HPSE2: variants seen among roughly 807,000 people sequenced by gnomAD.
HPSE2 encodes heparanase 2 (inactive).
In HPSE2, 38 loss-of-function variants were observed where a neutral mutation model predicts 60.5. The observed-to-expected ratio is 0.63, with a 90% confidence interval of 0.48 to 0.82. The LOEUF (loss-of-function observed/expected upper bound fraction) is 0.82, where lower values mean the gene tolerates loss of function less well. HPSE2 is among the 40% of genes least tolerant of loss of function. The probability of loss-of-function intolerance (pLI) is 0.00; values close to 1 mark genes in which losing one functional copy is unlikely to be tolerated. For synonymous variants in HPSE2, 295 were observed against 293.2 expected (o/e 1.01, Z -0.06); for missense variants, 713 against 740.4 (o/e 0.96, Z 0.43).
At chr10:98,516,707 ATTGCCCCCAT>A (rs1564933351) in intron 9 of HPSE2, among the ~76,000 whole-genome samples, 3 of 152,146 alleles carry the variant, frequency 2.0e-5, no homozygotes, top group Non-Finnish European at 4.4e-5. Flanking sequence ...TCTCACCTGA[ATTGCCCCCAT>A]GCTGCCCTGT....
chr10:98,496,097 A>T (rs1941829009), intron 9 of HPSE2, among the ~76,000 whole-genome samples: 1 of 151,770 alleles, frequency 6.6e-6, no homozygotes, highest in Admixed American at 6.6e-5. Flanking sequence ...GTGTTTAATT[A>T]TTGTAGGCTG....
chr10:98,710,658 T>G (rs1420589732), intron 5 of HPSE2, among the ~76,000 whole-genome samples: 1 of 152,170 alleles, frequency 6.6e-6, no homozygotes, highest in African/African-American at 2.4e-5. Context: ...TCTGTAAGGT[T>G]GGTATTATTA....
chr10:99,274,208 G>A, the HPSE2 span, among the ~76,000 whole-genome samples: 265 of 148,870 alleles, frequency 1.8e-3, 1 homozygote, highest in Middle Eastern at 6.8e-3. Flanking sequence ...TTAGCCAGGC[G>A]TGGTGGCCTG....
chr10:98,939,557 T>C (rs61883731), intron 3 of HPSE2, among the ~76,000 whole-genome samples: 1 of 143,494 alleles, frequency 7.0e-6, no homozygotes, highest in East Asian at 2.0e-4. Flanking sequence ...ATGCACCCAA[T>C]ACAGGAGCAC....
chr10:99,180,889 C>CA (rs68033581), intron 2 of HPSE2, among the ~76,000 whole-genome samples: 395 of 29,702 alleles, frequency 0.013, 95 homozygotes, highest in African/African-American at 0.041. Context: ...GACTCCATCT[C>CA]AAAAAAAAAA....
chr10:99,014,918 C>T (rs1589519811), intron 3 of HPSE2, among the ~76,000 whole-genome samples: 1 of 152,252 alleles, frequency 6.6e-6, no homozygotes, highest in South Asian at 2.1e-4. Flanking sequence ...TTGCAATCTA[C>T]TCATCTGACA....
intron 3 of HPSE2, among the ~76,000 whole-genome samples, chr10:99,066,550 T>C (rs2135536476): frequency 6.6e-6 from 1 of 152,312 alleles, no homozygotes; most frequent in Non-Finnish European, 1.5e-5. Context: ...AGCAAAGTCA[T>C]GTTTTACATG....
chr10:98,985,067 G>A (rs562936094), intron 3 of HPSE2, among the ~76,000 whole-genome samples: 4 of 152,310 alleles, frequency 2.6e-5, no homozygotes, highest in East Asian at 1.9e-4. Context: ...AAAACACTCT[G>A]CAGGATATTA....
At chr10:98,997,112 C>CTTTTTTT (rs34434956) in intron 3 of HPSE2, among the ~76,000 whole-genome samples, 19 of 119,712 alleles carry the variant, frequency 1.6e-4, no homozygotes, top group South Asian at 2.6e-4. Context: ...CAGACCCTTT[C>CTTTTTTT]TTTTTTTTTT....
intron 6 of HPSE2, among the ~76,000 whole-genome samples, chr10:98,662,040 G>C (rs766533607): frequency 6.6e-6 from 1 of 152,082 alleles, no homozygotes; most frequent in Admixed American, 6.6e-5. Flanking sequence ...GACTACAGGC[G>C]CGTGCCACCA....
chr10:98,680,300 G>T lies in HPSE2; in HGVS notation c.1004+13600C>A, dbSNP rs190258293. 1.1e-3 allele frequency among the ~76,000 whole-genome samples: 160 copies of T among 151,742 alleles called. 2 individuals are homozygous for T. Among genetic ancestry groups the T allele is most frequent in the African/African-American group, 3.6e-3 (149 of 41,438 alleles). On this transcript the variant is annotated intron_variant, in intron 6 of 11. Transcript: ENST00000370552. The stretch of plus-strand genomic sequence containing the variant: ...ACAAATGGATAAATCTATAGACATA[G>T]TTTTTTTTTCTTGTATCTATCCAGT...
intron 6 of HPSE2, among the ~76,000 whole-genome samples, chr10:98,648,094 C>G (rs768573064): frequency 1.3e-5 from 2 of 152,140 alleles, no homozygotes; most frequent in East Asian, 3.9e-4. Context: ...ATGAGCCAAC[C>G]GAGGCTCAAG....
intron 9 of HPSE2, among the ~76,000 whole-genome samples, chr10:98,560,943 A>C (rs559092232): frequency 6.6e-6 from 1 of 152,258 alleles, no homozygotes; most frequent in East Asian, 1.9e-4. Flanking sequence ...ATAATAAATG[A>C]CTTTGTGACT....
At chr10:98,540,290 T>A (rs931523785) in intron 9 of HPSE2, among the ~76,000 whole-genome samples, 1 of 152,244 alleles carries the variant, frequency 6.6e-6, no homozygotes, top group Non-Finnish European at 1.5e-5. Flanking sequence ...TTCATACATA[T>A]GTTTTCCCCT....
chr10:98,471,225 T>C (rs6584209), intron 11 of HPSE2, among the ~76,000 whole-genome samples: 62,870 of 152,030 alleles, frequency 0.41, 14,230 homozygotes, highest in African/African-American at 0.62. Flanking sequence ...AAGTTTATAG[T>C]GGGACAGTGG....
intron 2 of HPSE2, among the ~76,000 whole-genome samples, chr10:99,164,623 G>A (rs1242443808): frequency 9.9e-5 from 15 of 152,086 alleles, no homozygotes; most frequent in Admixed American, 9.8e-4. Flanking sequence ...AGAGCTCAGA[G>A]AGGTATATAG....
intron 3 of HPSE2, among the ~76,000 whole-genome samples, chr10:99,076,202 T>C (rs1011006882): frequency 2.6e-5 from 4 of 152,086 alleles, no homozygotes; most frequent in Non-Finnish European, 5.9e-5. Context: ...TTTTCTTTTG[T>C]GTATCTTCTA....
At chr10:98,577,923 C>A (rs1158819526) in intron 9 of HPSE2, among the ~76,000 whole-genome samples, 1 of 152,110 alleles carries the variant, frequency 6.6e-6, no homozygotes, top group Non-Finnish European at 1.5e-5. Context: ...GGTTAAGAAA[C>A]CTTTTCAGGA....
At chr10:99,046,588 C>T (rs2135488020) in intron 3 of HPSE2, among the ~76,000 whole-genome samples, 1 of 152,124 alleles carries the variant, frequency 6.6e-6, no homozygotes, top group South Asian at 2.1e-4. Context: ...CCTAAAGACT[C>T]CCCAAAAGGC....
Sources: allele counts gnomAD v4.1 joint callset (sites outside exome capture counted in the v4.1 genomes callset), GRCh38; gene constraint gnomAD v4.1.1; transcripts MANE v1.5; gene names NCBI Gene and HGNC (gene_info 2026-07-23, HGNC 2026-07-21).